The following ELAPOR1 variants were observed in gnomAD, a reference collection of about 807,000 sequenced individuals.
ELAPOR1 encodes the protein endosome/lysosome-associated apoptosis and autophagy regulator 1.
Under a neutral mutation model 119.7 loss-of-function variants are expected in ELAPOR1, and 77 were observed. The observed-to-expected ratio is 0.64, with a 90% CI of 0.54 to 0.78. The LOEUF is 0.78. ELAPOR1 is among the 30% of genes least tolerant of loss of function. The pLI, the probability that ELAPOR1 is intolerant of heterozygous loss-of-function variation, is 0.00. For synonymous variants in ELAPOR1, 481 were observed against 487.2 expected (o/e 0.99, Z 0.17); for missense variants, 1,115 against 1,270.4 (o/e 0.88, Z 1.86).
chr1:109,175,196 A>AT (rs1652193436), intron 7 of ELAPOR1, among the ~76,000 whole-genome samples: 1 of 150,810 alleles, frequency 6.6e-6, no homozygotes, highest in Non-Finnish European at 1.5e-5. Flanking sequence ...TTTTATTTTT[A>AT]TTTTTATTTT....
chr1:109,157,419 G>A (rs968370093), intron 1 of ELAPOR1, among the ~76,000 whole-genome samples: 1 of 152,108 alleles, frequency 6.6e-6, no homozygotes, highest in African/African-American at 2.4e-5. Context: ...TCTTAATCAT[G>A]CTCACAGAGG....
In ELAPOR1 at chr1:109,203,282, T is replaced by C. The variant is rs567763340; in HGVS notation, c.*270T>C. ...CAAAATGGCCCATCCGCCAGAGCCATAGCTTCGTCTGCTCATAATTCTTAT... is the reference window on the plus strand; with the variant it reads ...CAAAATGGCCCATCCGCCAGAGCCACAGCTTCGTCTGCTCATAATTCTTAT... On this transcript the variant is annotated 3_prime_UTR_variant, in exon 22 of 22. Coordinates refer to ENST00000369939, the MANE Select transcript of ELAPOR1 (RefSeq NM_020775.5). 72 of 457,662 alleles carry C rather than the reference T, an allele frequency of 1.6e-4. No homozygotes were observed. Among genetic ancestry groups the C allele is most frequent in the Non-Finnish European group, 2.6e-4 (67 of 256,164 alleles). 28.4% of individuals were successfully genotyped at this position (457,662 alleles called of 1,614,324 possible).
At chr1:109,134,646 C>G (rs1381072967) in intron 1 of ELAPOR1, among the ~76,000 whole-genome samples, 2 of 152,176 alleles carry the variant, frequency 1.3e-5, no homozygotes, top group Non-Finnish European at 2.9e-5. Flanking sequence ...GCTGCTTTTG[C>G]CGTTTCTTTC....
intron 1 of ELAPOR1, among the ~76,000 whole-genome samples, chr1:109,149,068 C>T (rs1163037586): frequency 6.6e-6 from 1 of 151,962 alleles, no homozygotes; most frequent in Non-Finnish European, 1.5e-5. Flanking sequence ...TGGGGAGTTG[C>T]TAGGGGAGAA....
intron 1 of ELAPOR1, among the ~76,000 whole-genome samples, chr1:109,121,632 T>C (rs1230690592): frequency 6.6e-6 from 1 of 152,172 alleles, no homozygotes; most frequent in Non-Finnish European, 1.5e-5. Context: ...AATGCTGCCT[T>C]AGACACTGGA....
intron 1 of ELAPOR1, among the ~76,000 whole-genome samples, chr1:109,154,281 C>CAAAAAA (rs745938875): frequency 4.4e-4 from 17 of 39,032 alleles, no homozygotes; most frequent in East Asian, 6.6e-4. Context: ...AACTCCGTCT[C>CAAAAAA]AAAAAAAAAA....
chr1:109,195,963 C>T (rs866828305), intron 15 of ELAPOR1, among the ~76,000 whole-genome samples: 8 of 152,160 alleles, frequency 5.3e-5, no homozygotes, highest in South Asian at 2.1e-4. Flanking sequence ...CGAGACCAGC[C>T]TGGTCAACAT....
intron 1 of ELAPOR1, among the ~76,000 whole-genome samples, chr1:109,140,505 T>C (rs1649762599): frequency 6.6e-6 from 1 of 152,172 alleles, no homozygotes; most frequent in Non-Finnish European, 1.5e-5. Context: ...ACTCTGGCTA[T>C]AGCCTAGAGA....
intron 1 of ELAPOR1, among the ~76,000 whole-genome samples, chr1:109,158,747 T>C (rs1002358908): frequency 3.3e-5 from 5 of 152,174 alleles, no homozygotes; most frequent in African/African-American, 7.2e-5. Flanking sequence ...ATGCAAATTA[T>C]ATACTTTCAG....
In ELAPOR1 at chr1:109,194,707, G is replaced by T. The variant is rs185015151; in HGVS notation, c.2121+113G>T. The T allele has an allele frequency of 2.7e-4, 250 of 910,766 alleles. 2 individuals are homozygous for T. The highest frequency in any genetic ancestry group is 3.4e-5 in the Non-Finnish European group (20 of 593,650). 56.4% of individuals were successfully genotyped at this position (910,766 alleles called of 1,614,324 possible). ...ATCCTTCAGGTAGCAGGGGGTTGAG[G>T]AGCTTCAAAGGTTTTTACATATTAT... On this transcript the variant is annotated intron_variant, in intron 15 of 21. Transcript: ENST00000369939.
At chr1:109,129,015 C>T (rs1271763305) in intron 1 of ELAPOR1, among the ~76,000 whole-genome samples, 1 of 152,188 alleles carries the variant, frequency 6.6e-6, no homozygotes, top group Admixed American at 6.5e-5. Context: ...AGAAAGTAAT[C>T]ATCAGAGTAT....
At chr1:109,119,237 T>G (rs1648237454) in intron 1 of ELAPOR1, among the ~76,000 whole-genome samples, 1 of 148,964 alleles carries the variant, frequency 6.7e-6, no homozygotes, top group South Asian at 2.1e-4. Flanking sequence ...GGCTCTACTC[T>G]GAAGGCTGGA....
chr1:109,200,092 T>C lies in ELAPOR1; in HGVS notation c.2662T>C (p.Cys888Arg), dbSNP rs762078259. 6.2e-7 allele frequency: 1 copy of C among 1,614,090 alleles called. No individual in the cohort carries two copies. The highest frequency in any genetic ancestry group is 1.3e-5 in the African/African-American group (1 of 74,936). The change falls in exon 20 of 22, where the codon TGC becomes CGC. Residue 888 changes from cysteine (C) to arginine (R), a missense_variant. Coordinates refer to ENST00000369939, the MANE Select transcript of ELAPOR1 (RefSeq NM_020775.5). ...TTYVWREPKL[C>R]SGGISLPEQR... ...TTACGTGTGGCGAGAACCCAAGCTATGCTCTGGTGGCATTTCTCTGCCTGA... is the reference window on the plus strand; with the variant it reads ...TTACGTGTGGCGAGAACCCAAGCTACGCTCTGGTGGCATTTCTCTGCCTGA...
In ELAPOR1 at chr1:109,114,254, G is replaced by T. The variant is rs751384901; in HGVS notation, c.71G>T (p.Arg24Leu). ...GGAAGAACTGAGAGGCGCATACCCC[G>T]GCTGTGGCGGCTGCTGCTCTGGGCT... is the stretch of plus-strand genomic sequence containing the variant. The part of the protein sequence containing the change: ...VRGRTERRIP[R>L]LWRLLLWAGT... The change falls in exon 1 of 22, where the codon CGG becomes CTG. Residue 24 changes from arginine (R) to leucine (L), a missense_variant. Physicochemically the swap from Arg to Leu is moderately radical, Grantham distance 102 (BLOSUM62 -2). Coordinates refer to ENST00000369939, the MANE Select transcript of ELAPOR1 (RefSeq NM_020775.5). 1 of 1,598,978 alleles carries T rather than the reference G, an allele frequency of 6.3e-7. No homozygotes were observed. The highest frequency in any genetic ancestry group is 1.7e-4 in the Middle Eastern group (1 of 6,040).
chr1:109,154,489 G>T (rs765087546), intron 1 of ELAPOR1, among the ~76,000 whole-genome samples: 50 of 152,110 alleles, frequency 3.3e-4, no homozygotes, highest in Non-Finnish European at 6.5e-4. Context: ...TTTGTTCCTC[G>T]TCTCAGAGAC....
chr1:109,172,279 G>A (rs1206448634), intron 4 of ELAPOR1, among the ~76,000 whole-genome samples: 3 of 152,226 alleles, frequency 2.0e-5, no homozygotes, highest in Non-Finnish European at 4.4e-5. Context: ...TGAGTTACAA[G>A]TTATTTCTTT....
intron 1 of ELAPOR1, among the ~76,000 whole-genome samples, chr1:109,128,934 T>C (rs1648967131): frequency 6.6e-6 from 1 of 152,164 alleles, no homozygotes; most frequent in Non-Finnish European, 1.5e-5. Flanking sequence ...ATCAGTTTCT[T>C]AAAGGTTAGA....
chr1:109,198,317 C>T (rs1653954160), intron 17 of ELAPOR1, among the ~76,000 whole-genome samples: 2 of 152,204 alleles, frequency 1.3e-5, no homozygotes, highest in African/African-American at 4.8e-5. Context: ...GTGGACTTCC[C>T]TTCCAGCCTA....
At chr1:109,118,900 C>CTCTTTTTTT (rs1648200887) in intron 1 of ELAPOR1, among the ~76,000 whole-genome samples, 1 of 128,210 alleles carries the variant, frequency 7.8e-6, no homozygotes, top group African/African-American at 3.2e-5. Flanking sequence ...TTTGGTTCTT[C>CTCTTTTTTT]TTTTTTTTTT....
Sources: allele counts gnomAD v4.1 joint callset (sites outside exome capture counted in the v4.1 genomes callset), GRCh38; gene constraint gnomAD v4.1.1; transcripts MANE v1.5; gene names NCBI Gene and HGNC (gene_info 2026-07-23, HGNC 2026-07-21).